SLC41A3: variants seen among roughly 807,000 people sequenced by gnomAD.
The protein encoded by SLC41A3 is solute carrier family 41 member 3, also known as SLC41A1-like 2.
SLC41A3 carries 44 observed loss-of-function variants against 45.4 expected under a neutral mutation model. The ratio of observed to expected loss-of-function variants is 0.97; its 90% CI spans 0.76 to 1.25. The LOEUF is 1.25. Ranked by LOEUF, SLC41A3 falls within the 50% of genes most tolerant of loss-of-function variation. The pLI, the probability that SLC41A3 is intolerant of heterozygous loss-of-function variation, is 0.00. For missense variants in SLC41A3, 550 were observed against 600.6 expected, an observed-to-expected ratio of 0.92 and a Z score of 0.88; for synonymous variants, 256 against 252.4, an observed-to-expected ratio of 1.01 and a Z score of -0.13.
intron 9 of SLC41A3, among the ~76,000 whole-genome samples, chr3:126,009,611 G>A (rs1392522129): frequency 6.6e-6 from 1 of 152,162 alleles, no homozygotes; most frequent in Admixed American, 6.5e-5. Context: ...TTGCCTCTGA[G>A]TTAATATATG....
intron 1 of SLC41A3, among the ~76,000 whole-genome samples, chr3:126,080,024 A>C (rs1227140393): frequency 6.6e-6 from 1 of 152,248 alleles, no homozygotes; most frequent in African/African-American, 2.4e-5. Flanking sequence ...CATATACAGA[A>C]GAATGAAACT....
intron 1 of SLC41A3, among the ~76,000 whole-genome samples, chr3:126,073,941 A>G (rs1576360560): frequency 6.6e-6 from 1 of 152,324 alleles, no homozygotes; most frequent in East Asian, 1.9e-4. Context: ...AATCCTCAGC[A>G]GAATACTAAT....
intron 2 of SLC41A3, among the ~76,000 whole-genome samples, chr3:126,066,053 TG>T (rs142788832): frequency 0.019 from 2,856 of 152,322 alleles, 91 homozygotes; most frequent in African/African-American, 0.063. Context: ...TGGCTCAACC[TG>T]GTGACCTGAT....
intron 3 of SLC41A3, among the ~76,000 whole-genome samples, chr3:126,037,809 A>G (rs1431661416): frequency 6.6e-6 from 1 of 152,260 alleles, no homozygotes; most frequent in Non-Finnish European, 1.5e-5. Context: ...CAGTGCTGAT[A>G]GTCAACACAA....
intron 2 of SLC41A3, among the ~76,000 whole-genome samples, chr3:126,064,756 C>T (rs1285790695): frequency 6.6e-6 from 1 of 152,222 alleles, no homozygotes; most frequent in Non-Finnish European, 1.5e-5. Flanking sequence ...CCGTTCTTCC[C>T]GGCACATGCA....
intron 4 of SLC41A3, among the ~76,000 whole-genome samples, chr3:126,027,957 G>A (rs1296931191): frequency 6.6e-6 from 1 of 152,210 alleles, no homozygotes; most frequent in Non-Finnish European, 1.5e-5. Context: ...AAACATTCAA[G>A]ATATGAACTG....
At chr3:126,018,261 CAGCCT>C (rs1264925856) in intron 6 of SLC41A3, among the ~76,000 whole-genome samples, 1 of 152,198 alleles carries the variant, frequency 6.6e-6, no homozygotes, top group Non-Finnish European at 1.5e-5. Context: ...GCACACGGTA[CAGCCT>C]GGGGCAGAGG....
At position 126,008,237 on chromosome 3, in the gene SLC41A3, CAT is replaced by C. The variant is rs146878065; in HGVS notation, c.1254+493_1254+494del. 6.1e-3 allele frequency among the ~76,000 whole-genome samples: 936 copies of C among 152,294 alleles called. 14 individuals carry two copies. The highest frequency in any genetic ancestry group is 0.053 in the East Asian group (274 of 5,192). On this transcript the variant is annotated intron_variant, in intron 10 of 10. Transcript: ENST00000360370. ...ATGTGACGAGTGATGTGCAAGATGACATGTGTAGTATGCAGTGCAGTACGTAG... is the reference window on the plus strand; with the variant it reads ...ATGTGACGAGTGATGTGCAAGATGACGTGTAGTATGCAGTGCAGTACGTAG...
intron 1 of SLC41A3, among the ~76,000 whole-genome samples, chr3:126,078,753 C>T (rs1945001362): frequency 6.6e-6 from 1 of 152,096 alleles, no homozygotes; most frequent in Non-Finnish European, 1.5e-5. Context: ...TGGGACCCTA[C>T]CAGGGTCCTC....
At chr3:126,070,200 C>T (rs1329357347) in intron 1 of SLC41A3, 4 of 152,174 alleles carry the variant, frequency 2.6e-5, no homozygotes, top group Non-Finnish European at 5.9e-5. Context: ...TCATGATGTA[C>T]AAGAGATCCT....
intron 1 of SLC41A3, among the ~76,000 whole-genome samples, chr3:126,094,765 G>A (rs2365014): frequency 0.61 from 92,718 of 152,072 alleles, 28,702 homozygotes; most frequent in African/African-American, 0.71. Flanking sequence ...ATTCTGGCTC[G>A]AAAAGTAAAG....
chr3:126,093,934 G>A (rs941851668), intron 1 of SLC41A3, among the ~76,000 whole-genome samples: 13 of 152,180 alleles, frequency 8.5e-5, no homozygotes, highest in East Asian at 1.9e-4. Context: ...AGCACTGGCC[G>A]TCTGCGTGGC....
intron 1 of SLC41A3, among the ~76,000 whole-genome samples, chr3:126,079,211 AACACACACAC>A (rs63385862): frequency 4.2e-4 from 23 of 54,978 alleles, no homozygotes; most frequent in Admixed American, 6.0e-4. Context: ...AGGTAAGGGA[AACACACACAC>A]ACACACACAC....
intron 2 of SLC41A3, among the ~76,000 whole-genome samples, chr3:126,060,439 T>TACACACACACACACACACACACACACAC (rs60317078): frequency 7.9e-4 from 116 of 146,404 alleles, no homozygotes; most frequent in East Asian, 4.9e-3. Flanking sequence ...GTGAGAAGGA[T>TACACACACACACACACACACACACACAC]ACACACACAC....
chr3:126,067,121 C>T (rs1030505340), intron 2 of SLC41A3, among the ~76,000 whole-genome samples: 46 of 139,254 alleles, frequency 3.3e-4, no homozygotes, highest in Admixed American at 1.1e-3. Flanking sequence ...CCGGCCACCG[C>T]ACCACTAAGC....
intron 3 of SLC41A3, among the ~76,000 whole-genome samples, chr3:126,048,860 T>C (rs1943137397): frequency 1.3e-5 from 2 of 152,166 alleles, no homozygotes; most frequent in African/African-American, 2.4e-5. Flanking sequence ...TCAAAAGTCA[T>C]TGACCTGCAC....
intron 1 of SLC41A3, among the ~76,000 whole-genome samples, chr3:126,076,440 G>A (rs1188763787): frequency 6.6e-6 from 1 of 152,084 alleles, no homozygotes; most frequent in Non-Finnish European, 1.5e-5. Context: ...CCACTTTGGG[G>A]CTATTATAAA....
At chr3:126,031,559 A>G (rs1941797193) in intron 4 of SLC41A3, among the ~76,000 whole-genome samples, 1 of 152,228 alleles carries the variant, frequency 6.6e-6, no homozygotes, top group Admixed American at 6.5e-5. Context: ...GAAGTTCTTA[A>G]AAAGTCCAAT....
chr3:126,071,273 A>C lies in SLC41A3; in HGVS notation c.-27-3027T>G, dbSNP rs189213482. ...TTTAATACTATTAATAATATCAGGC[A>C]AAACAGACATAAAAACAAGAATTCT... On this transcript the variant is annotated intron_variant, in intron 1 of 10. Coordinates refer to ENST00000360370, the MANE Select transcript of SLC41A3 (RefSeq NM_017836.4). 2.8e-3 allele frequency among the ~76,000 whole-genome samples: 420 copies of C among 152,288 alleles called. 10 individuals are homozygous for C. Among genetic ancestry groups the C allele is most frequent in the Admixed American group, 0.024 (360 of 15,296 alleles).
Sources: allele counts gnomAD v4.1 joint callset (sites outside exome capture counted in the v4.1 genomes callset), GRCh38; gene constraint gnomAD v4.1.1; transcripts MANE v1.5; gene names NCBI Gene and HGNC (gene_info 2026-07-23, HGNC 2026-07-21).